The following LIFR variants were observed in gnomAD, a reference collection of about 807,000 sequenced individuals.
The protein encoded by LIFR is LIF receptor subunit alpha.
A neutral mutation model predicts 122.2 loss-of-function variants in LIFR; 84 were observed. That is an observed-to-expected ratio of 0.69 (90% CI 0.58 to 0.82). The LOEUF is 0.82. LIFR is among the 40% of genes least tolerant of loss of function. The pLI is 0.00. For missense variants in LIFR, 1,294 were observed against 1,311.6 expected (o/e 0.99, Z 0.21); for synonymous variants, 422 against 434.7 (o/e 0.97, Z 0.36).
chr5:38,482,996 C>T (rs1021619522), intron 18 of LIFR, among the ~76,000 whole-genome samples: 1 of 152,200 alleles, frequency 6.6e-6, no homozygotes. Flanking sequence ...GATCCCATGG[C>T]ACTGCTTTAC....
At chr5:38,548,794 C>T (rs146261031) in intron 1 of LIFR, among the ~76,000 whole-genome samples, 115 of 152,156 alleles carry the variant, frequency 7.6e-4, no homozygotes, top group African/African-American at 2.7e-3. Flanking sequence ...TAAAACTCGA[C>T]AAAGTATTTC....
intron 4 of LIFR, among the ~76,000 whole-genome samples, chr5:38,526,569 C>T (rs765790003): frequency 2.0e-5 from 3 of 152,160 alleles, no homozygotes; most frequent in Non-Finnish European, 4.4e-5. Context: ...CTCTAAAGGA[C>T]AGCTATACAT....
At position 38,591,409 on chromosome 5, in the gene LIFR, C is replaced by A. The variant is rs75107055; in HGVS notation, c.-20+3852G>T. The stretch of plus-strand genomic sequence containing the variant: ...TTTCCCACTGCTCATATAACAGACA[C>A]CAGGCATTTAACTGACTGCTCACAT... On this transcript the variant is annotated intron_variant, in intron 1 of 19. Transcript: ENST00000263409. Among the ~76,000 whole-genome samples the A allele has an allele frequency of 1.5e-4, 23 of 152,308 alleles. No individual in the cohort carries two copies. The East Asian group carries it at 4.4e-3, about 29-fold the overall frequency.
intron 1 of LIFR, among the ~76,000 whole-genome samples, chr5:38,550,794 T>C (rs1748160076): frequency 6.6e-6 from 1 of 152,188 alleles, no homozygotes; most frequent in African/African-American, 2.4e-5. Flanking sequence ...CCGAAGATCA[T>C]GGTTACACTG....
rs1247451728 is a variant in LIFR, at chr5:38,530,681, G to T, written c.-19-15C>A. On this transcript the variant is annotated splice_polypyrimidine_tract_variant and intron_variant, in intron 1 of 19. Coordinates refer to ENST00000453190, the MANE Select transcript of LIFR (RefSeq NM_001127671.2). ...TGCAGTCAGTCCTAGGTTAGGAGAG[G>T]AATTCCAGATGGTGTTCAGATTGTT... 1 of 1,611,148 alleles carries T rather than the reference G, an allele frequency of 6.2e-7. No individual in the cohort carries two copies. The highest frequency in any genetic ancestry group is 1.7e-5 in the Admixed American group (1 of 60,000).
Position 38,484,733 on chromosome 5 carries a change from C to A in LIFR, c.2591+42G>T. The A allele has an allele frequency of 2.4e-6, 3 of 1,230,506 alleles. No homozygotes were observed. The South Asian group carries it at 3.6e-5, about 15-fold the overall frequency. The allele number at this position is 1,230,506 out of a possible 1,614,324, so 76.2% of individuals were successfully genotyped here. On this transcript the variant is annotated intron_variant, in intron 18 of 19. Transcript: ENST00000453190. Reference sequence around the variant, plus strand: ...TAATCTTACAAATCTTATAATCATGCCTTTAAGAAGAAAACAGCAAGAGTA... The same window carrying A: ...TAATCTTACAAATCTTATAATCATGACTTTAAGAAGAAAACAGCAAGAGTA...
chr5:38,502,897 A>T (rs771805719), intron 10 of LIFR, 98 bp from the exon 11 acceptor site: 84 of 629,594 alleles, frequency 1.3e-4, no homozygotes, highest in Non-Finnish European at 1.8e-4. Context: ...TTGGTAAGAA[A>T]GCCTTCACAT....
chr5:38,567,863 T>TTCA (rs1386303170), intron 1 of LIFR, among the ~76,000 whole-genome samples: 1 of 152,110 alleles, frequency 6.6e-6, no homozygotes, highest in Non-Finnish European at 1.5e-5. Context: ...GCCATGAGGT[T>TTCA]AATATTCCCC....
At chr5:38,522,751 T>G (rs1223553913) in intron 5 of LIFR, among the ~76,000 whole-genome samples, 2 of 152,154 alleles carry the variant, frequency 1.3e-5, no homozygotes, top group East Asian at 1.9e-4. Context: ...TTATTATCTT[T>G]ACTATTTTAT....
chr5:38,526,659 C>G (rs1746704211), intron 4 of LIFR, among the ~76,000 whole-genome samples: 1 of 152,076 alleles, frequency 6.6e-6, no homozygotes, highest in Non-Finnish European at 1.5e-5. Flanking sequence ...CTTACACTCA[C>G]CTAATTTGCT....
chr5:38,546,750 G>A (rs975835228), intron 1 of LIFR, among the ~76,000 whole-genome samples: 6 of 152,174 alleles, frequency 3.9e-5, no homozygotes, highest in Admixed American at 3.3e-4. Context: ...GGCAGGACAG[G>A]CCCACTTCTG....
At chr5:38,554,323 T>A (rs541224457) in intron 1 of LIFR, among the ~76,000 whole-genome samples, 1 of 152,350 alleles carries the variant, frequency 6.6e-6, no homozygotes, top group East Asian at 1.9e-4. Flanking sequence ...AAACAGTGTA[T>A]GCTGGGGAGA....
At chr5:38,492,227 T>C (rs1282788692) in intron 14 of LIFR, among the ~76,000 whole-genome samples, 1 of 151,772 alleles carries the variant, frequency 6.6e-6, no homozygotes, top group East Asian at 1.9e-4. Context: ...CTCTGAGTTT[T>C]TGTTTTCTCA....
At chr5:38,561,942 C>T (rs561495100) in intron 1 of LIFR, among the ~76,000 whole-genome samples, 1 of 152,312 alleles carries the variant, frequency 6.6e-6, no homozygotes, top group African/African-American at 2.4e-5. Flanking sequence ...CTAACATTTG[C>T]TTAACTCCCT....
chr5:38,533,451 G>C (rs1458780145), intron 1 of LIFR, among the ~76,000 whole-genome samples: 1 of 152,110 alleles, frequency 6.6e-6, no homozygotes, highest in Non-Finnish European at 1.5e-5. Flanking sequence ...TGTCAACACG[G>C]GCCCCTGAGC....
In LIFR at chr5:38,490,166, T is replaced by C. The variant is rs757565154; in HGVS notation, c.2167+24A>G. ...TTTCTCATGTTGCCTTGAGCTCTTA[T>C]AAATAAGTACCCATTTAACTTACCC... On this transcript the variant is annotated intron_variant, in intron 15 of 19. Transcript: ENST00000453190. 4 of 1,043,498 alleles carry C rather than the reference T, an allele frequency of 3.8e-6. No individual in the cohort carries two copies. The African/African-American group carries it at 6.3e-5, about 17-fold the overall frequency. The allele number at this position is 1,043,498 out of a possible 1,614,324, so 64.6% of individuals were successfully genotyped here.
chr5:38,556,538 AGGGCG>A lies in LIFR; in HGVS notation c.-229_-225del, dbSNP rs1356779535. 1.3e-5 allele frequency: 2 copies of A among 149,622 alleles called. No individual in the cohort carries two copies. Among genetic ancestry groups the A allele is most frequent in the Non-Finnish European group, 3.0e-5 (2 of 67,144 alleles). 9.3% of individuals were successfully genotyped at this position (149,622 alleles called of 1,614,324 possible). A position where few individuals can be genotyped will look rare whatever the true frequency, so the allele number is the denominator to read the frequency against. On this transcript the variant is annotated 5_prime_UTR_variant, in exon 1 of 20. Coordinates refer to ENST00000453190, the MANE Select transcript of LIFR (RefSeq NM_001127671.2). The stretch of plus-strand genomic sequence containing the variant: ...GGCTGCTTGAGGCGGCCACGGGCGA[AGGGCG>A]GCCCGCTGCGCTCCGCGAACCCCGC...
chr5:38,523,559 T>C lies in LIFR; in HGVS notation c.421A>G (p.Ile141Val). The C allele has an allele frequency of 6.2e-7, 1 of 1,613,276 alleles. No homozygotes were observed. The highest frequency in any genetic ancestry group is 1.3e-5 in the African/African-American group (1 of 75,000). The part of the protein sequence containing the change: ...NVSLIPDTPE[I>V]LNLSADFSTS... ...GAGAAATCAGCAGACAAATTCAAGA[T>C]CTCTGGAGTATCTGGAATTAAGGCT... The change falls in exon 5 of 20, where the codon ATC becomes GTC. Residue 141 changes from isoleucine (I) to valine (V), a missense_variant. Ile to Val is a conservative substitution (Grantham distance 29). Coordinates refer to ENST00000453190, the MANE Select transcript of LIFR (RefSeq NM_001127671.2).
chr5:38,598,102 T>C (rs1371445919), upstream of LIFR, among the ~76,000 whole-genome samples: 2 of 151,876 alleles, frequency 1.3e-5, no homozygotes, highest in African/African-American at 2.4e-5. Flanking sequence ...AGGATTCACA[T>C]GGTGGGATCT....
Sources: allele counts gnomAD v4.1 joint callset (sites outside exome capture counted in the v4.1 genomes callset), GRCh38; gene constraint gnomAD v4.1.1; transcripts MANE v1.5; gene names NCBI Gene and HGNC (gene_info 2026-07-23, HGNC 2026-07-21).